Variants in MARCHF1 observed in about 807,000 individuals in gnomAD.
MARCHF1 encodes the protein membrane associated ring-CH-type finger 1.
Under a neutral mutation model 54.2 loss-of-function variants are expected in MARCHF1, and 40 were observed. The observed-to-expected ratio is 0.74, with a 90% CI of 0.57 to 0.96. MARCHF1 has a LOEUF of 0.96. Among genes scored for constraint, MARCHF1 ranks in the 40% least tolerant of loss-of-function variants. MARCHF1 has a pLI of 0.00. For missense variants in MARCHF1, 586 were observed against 656.5 expected (o/e 0.89, Z 1.17); for synonymous variants, 236 against 236.3 (o/e 1.00, Z 0.01).
chr4:163,613,785 G>A (rs1215982205), intron 5 of MARCHF1, among the ~76,000 whole-genome samples: 1 of 152,098 alleles, frequency 6.6e-6, no homozygotes, highest in East Asian at 1.9e-4. Context: ...AGTCTGAGAA[G>A]TCTAATCAAA....
intron 3 of MARCHF1, among the ~76,000 whole-genome samples, chr4:163,891,170 A>T (rs1313723472): frequency 6.6e-6 from 1 of 152,034 alleles, no homozygotes; most frequent in Non-Finnish European, 1.5e-5. Flanking sequence ...TGTAATCATT[A>T]TTGCCATGCT....
chr4:164,266,780 T>C (rs888887807), intron 1 of MARCHF1, among the ~76,000 whole-genome samples: 17 of 152,012 alleles, frequency 1.1e-4, no homozygotes, highest in Non-Finnish European at 2.4e-4. Flanking sequence ...ACCTTATACA[T>C]TTGTGCTTTA....
chr4:163,538,542 A>G (rs1444013139), intron 9 of MARCHF1, among the ~76,000 whole-genome samples: 1 of 152,132 alleles, frequency 6.6e-6, no homozygotes, highest in Non-Finnish European at 1.5e-5. Context: ...CCAAATCCCC[A>G]AATGATTCAG....
chr4:163,746,227 G>A (rs897240372), intron 4 of MARCHF1, among the ~76,000 whole-genome samples: 12 of 151,916 alleles, frequency 7.9e-5, no homozygotes, highest in Non-Finnish European at 1.3e-4. Flanking sequence ...CTAGTTTTGC[G>A]TTTTCTAGAA....
intron 1 of MARCHF1, among the ~76,000 whole-genome samples, chr4:164,121,190 A>T (rs1756058247): frequency 6.6e-6 from 1 of 152,142 alleles, no homozygotes. Context: ...ACTATGAGCA[A>T]TTATCTGCCA....
chr4:164,186,715 A>C (rs547231721), intron 1 of MARCHF1, among the ~76,000 whole-genome samples: 1 of 152,286 alleles, frequency 6.6e-6, no homozygotes, highest in South Asian at 2.1e-4. Context: ...AAGAACTCTA[A>C]GTTTTGAGCT....
In MARCHF1 at chr4:164,143,493, C is replaced by A. The variant is rs1224656341; in HGVS notation, c.-322-31831G>T. Among the ~76,000 whole-genome samples, 203 of 150,960 alleles carry A rather than the reference C, an allele frequency of 1.3e-3. 2 individuals are homozygous for A. The highest frequency in any genetic ancestry group is 2.2e-3 in the Non-Finnish European group (148 of 67,772). On this transcript the variant is annotated intron_variant, in intron 1 of 9. Transcript: ENST00000514618. ...GATCTCTCGGCAGAAACTCTACAAG[C>A]CAGAAGAGAGTGGGGGCCAATATTC...
At chr4:163,613,416 T>A (rs1260263231) in intron 5 of MARCHF1, 23 bp from the exon 6 acceptor site, 1 of 1,613,202 alleles carries the variant, frequency 6.2e-7, no homozygotes, top group Non-Finnish European at 8.5e-7. Flanking sequence ...GTTAGATAAT[T>A]TGGCATCTTG....
chr4:164,028,082 G>A (rs1412018943), intron 2 of MARCHF1, among the ~76,000 whole-genome samples: 1 of 152,108 alleles, frequency 6.6e-6, no homozygotes, highest in Non-Finnish European at 1.5e-5. Flanking sequence ...TAGATGCTGA[G>A]TAGACTATGG....
chr4:163,755,219 C>T (rs183813081), intron 4 of MARCHF1, among the ~76,000 whole-genome samples: 16 of 152,218 alleles, frequency 1.1e-4, no homozygotes, highest in African/African-American at 3.4e-4. Context: ...TTTCTCAAAC[C>T]GTTTAGATGT....
At chr4:163,741,052 T>C (rs1307533712) in intron 4 of MARCHF1, among the ~76,000 whole-genome samples, 3 of 152,202 alleles carry the variant, frequency 2.0e-5, no homozygotes, top group African/African-American at 7.2e-5. Flanking sequence ...ACTTAGTCTT[T>C]GTAGCACACA....
intron 7 of MARCHF1, among the ~76,000 whole-genome samples, chr4:163,591,147 T>G (rs1740580274): frequency 6.6e-6 from 1 of 151,950 alleles, no homozygotes; most frequent in Non-Finnish European, 1.5e-5. Context: ...TTGTCCCATT[T>G]TACTGCATAA....
intron 4 of MARCHF1, among the ~76,000 whole-genome samples, chr4:163,843,662 T>A (rs778130203): frequency 2.6e-5 from 4 of 152,056 alleles, no homozygotes; most frequent in East Asian, 3.9e-4. Context: ...CCCAGCATGC[T>A]TTAGCTCCTT....
chr4:164,242,088 C>A (rs1482000183), intron 1 of MARCHF1, among the ~76,000 whole-genome samples: 2 of 152,252 alleles, frequency 1.3e-5, no homozygotes, highest in African/African-American at 4.8e-5. Flanking sequence ...ATTAGGTAAA[C>A]AAAGCAGCCT....
intron 1 of MARCHF1, among the ~76,000 whole-genome samples, chr4:164,295,691 C>A (rs4522825): frequency 0.87 from 131,818 of 152,176 alleles, 57,340 homozygotes; most frequent in Non-Finnish European, 0.91. Flanking sequence ...TCAATTCTGC[C>A]TATGAGATGG....
intron 1 of MARCHF1, among the ~76,000 whole-genome samples, chr4:164,147,013 G>T (rs1729767340): frequency 6.6e-6 from 1 of 151,664 alleles, no homozygotes; most frequent in Non-Finnish European, 1.5e-5. Flanking sequence ...AGTGGGCAAA[G>T]GACATGAACA....
At chr4:163,694,477 G>A (rs1052822018) in intron 5 of MARCHF1, among the ~76,000 whole-genome samples, 3 of 152,182 alleles carry the variant, frequency 2.0e-5, no homozygotes, top group African/African-American at 7.2e-5. Flanking sequence ...CTTGCCTCAA[G>A]AGGGGACAAA....
chr4:163,713,557 T>C (rs148946317), intron 4 of MARCHF1, among the ~76,000 whole-genome samples: 32 of 152,338 alleles, frequency 2.1e-4, no homozygotes, highest in Non-Finnish European at 4.1e-4. Flanking sequence ...GCATAACCAA[T>C]CTTGTATTTT....
At chr4:164,028,078 C>T (rs535114757) in intron 2 of MARCHF1, among the ~76,000 whole-genome samples, 3 of 152,162 alleles carry the variant, frequency 2.0e-5, no homozygotes, top group East Asian at 1.9e-4. Flanking sequence ...ATAATAGATG[C>T]TGAGTAGACT....
Sources: gnomAD v4.1 joint callset for allele counts (sites outside exome capture counted in the v4.1 genomes callset) on GRCh38, gnomAD v4.1.1 for gene constraint, MANE v1.5 for transcripts, NCBI Gene and HGNC (gene_info 2026-07-23, HGNC 2026-07-21) for gene names.